Variants in NEDD4L observed in about 807,000 individuals in gnomAD.
The protein encoded by NEDD4L is E3 ubiquitin-protein ligase NEDD4-like.
In NEDD4L, 54 loss-of-function variants were observed where a neutral mutation model predicts 148.9. The ratio of observed to expected loss-of-function variants is 0.36; its 90% CI spans 0.29 to 0.45. The LOEUF is 0.45. Among genes scored for constraint, NEDD4L ranks in the 20% least tolerant of loss-of-function variants. The pLI is 1.00. For missense variants in NEDD4L, 856 were observed against 1,233.8 expected (o/e 0.69, Z 4.59); for synonymous variants, 433 against 440.7 (o/e 0.98, Z 0.22).
intron 5 of NEDD4L, among the ~76,000 whole-genome samples, chr18:58,280,676 G>A (rs941446435): frequency 1.3e-5 from 2 of 152,110 alleles, no homozygotes; most frequent in Non-Finnish European, 2.9e-5. Context: ...CAGTATTGTG[G>A]GGAATTCGGA....
chr18:58,234,097 C>CTTTGTTTTCTTTTCT (rs61539118), intron 2 of NEDD4L, among the ~76,000 whole-genome samples: 2 of 83,358 alleles, frequency 2.4e-5, no homozygotes, highest in Admixed American at 1.2e-4. Flanking sequence ...TTCTTTCTTT[C>CTTTGTTTTCTTTTCT]TTTCTTTTCT....
At chr18:58,361,479 C>T (rs772557902) in intron 19 of NEDD4L, among the ~76,000 whole-genome samples, 2 of 152,244 alleles carry the variant, frequency 1.3e-5, no homozygotes, top group Admixed American at 6.5e-5. Flanking sequence ...TTGAAACTCA[C>T]AGTCGTCCCC....
chr18:58,175,045 T>G (rs1363445749), intron 2 of NEDD4L, among the ~76,000 whole-genome samples: 1 of 152,234 alleles, frequency 6.6e-6, no homozygotes, highest in East Asian at 1.9e-4. Flanking sequence ...CAGACCAAAG[T>G]TTGCAGACAG....
chr18:58,261,834 A>G (rs548268896), intron 5 of NEDD4L, among the ~76,000 whole-genome samples: 1 of 152,220 alleles, frequency 6.6e-6, no homozygotes, highest in African/African-American at 2.4e-5. Flanking sequence ...CAGGTTAGCT[A>G]TCCTAAATAC....
intron 5 of NEDD4L, among the ~76,000 whole-genome samples, chr18:58,300,369 T>A (rs1299146054): frequency 1.1e-4 from 17 of 152,238 alleles, no homozygotes; most frequent in Admixed American, 1.1e-3. Flanking sequence ...TTTGCACTCT[T>A]GAGGATGTAT....
rs138225609 is a variant in NEDD4L at position 58,304,436 on chromosome 18, C to T, written c.298-11546C>T. 5.7e-3 allele frequency among the ~76,000 whole-genome samples: 870 copies of T among 152,098 alleles called. 6 individuals are homozygous for T. Among genetic ancestry groups the T allele is most frequent in the Middle Eastern group, 0.014 (4 of 294 alleles). ...GGCTGAAGTGGGAGGATTGCTTGGA[C>T]CCAGGAGTTTGAGGCTACAGTGAGC... On this transcript the variant is annotated intron_variant, in intron 5 of 30. Coordinates refer to ENST00000400345, the MANE Select transcript of NEDD4L (RefSeq NM_001144967.3).
intron 2 of NEDD4L, among the ~76,000 whole-genome samples, chr18:58,192,204 C>G (rs766673465): frequency 2.0e-5 from 3 of 152,146 alleles, no homozygotes; most frequent in Non-Finnish European, 4.4e-5. Context: ...TTTGAGTTGG[C>G]TTTTCAATCC....
chr18:58,266,095 G>A lies in NEDD4L; in HGVS notation c.297+14041G>A, dbSNP rs377342947. On this transcript the variant is annotated intron_variant, in intron 5 of 30. Transcript: ENST00000400345. ...GTATTTAGATTTAGCAACAAAAAGGGAAATATAAACCATATTTCCACCATT... is the reference window on the plus strand; with the variant it reads ...GTATTTAGATTTAGCAACAAAAAGGAAAATATAAACCATATTTCCACCATT... Among the ~76,000 whole-genome samples the A allele has an allele frequency of 2.1e-4, 32 of 152,118 alleles. No individual in the cohort carries two copies. The East Asian group carries it at 2.9e-3, about 14-fold the overall frequency.
At chr18:58,129,707 C>T (rs2031736020) in intron 1 of NEDD4L, among the ~76,000 whole-genome samples, 1 of 152,232 alleles carries the variant, frequency 6.6e-6, no homozygotes. Context: ...CGCGTGGCTT[C>T]ATTGGGATTT....
chr18:58,367,928 A>G (rs1174697994), intron 22 of NEDD4L, 61 bp downstream of exon 22: 1 of 1,567,940 alleles, frequency 6.4e-7, no homozygotes, highest in South Asian at 1.1e-5. Flanking sequence ...TAGGTGTCTT[A>G]TCTTTCGCAT....
intron 1 of NEDD4L, among the ~76,000 whole-genome samples, chr18:58,159,752 T>G (rs1040698390): frequency 6.6e-6 from 1 of 152,154 alleles, no homozygotes; most frequent in South Asian, 2.1e-4. Context: ...CCAAAAAACG[T>G]TGGTCATCTG....
intron 24 of NEDD4L, among the ~76,000 whole-genome samples, chr18:58,377,119 G>A (rs2047671587): frequency 6.6e-6 from 1 of 152,224 alleles, no homozygotes; most frequent in Admixed American, 6.5e-5. Context: ...TGCCTGCCCT[G>A]TGCTCACTCA....
Position 58,146,740 on chromosome 18 carries a change from C to CA in NEDD4L, c.49-19048_49-19047insA, listed in dbSNP as rs1318696133. On this transcript the variant is annotated intron_variant, in intron 1 of 30. Transcript: ENST00000400345. Reference sequence around the variant, plus strand: ...GGTGAGGATGTGGAAGGGTGCAGAGCTGCTCAAGGTCAGCTTCCTGAGCCT... The same window carrying CA: ...GGTGAGGATGTGGAAGGGTGCAGAGCATGCTCAAGGTCAGCTTCCTGAGCCT... Among the ~76,000 whole-genome samples, 147 of 152,340 alleles carry CA rather than the reference C, an allele frequency of 9.6e-4. 1 individual carries two copies. Among genetic ancestry groups the CA allele is most frequent in the African/African-American group, 3.3e-3 (138 of 41,570 alleles).
chr18:58,202,780 T>C (rs2041561906), intron 2 of NEDD4L, among the ~76,000 whole-genome samples: 1 of 152,224 alleles, frequency 6.6e-6, no homozygotes, highest in African/African-American at 2.4e-5. Context: ...TTCATACTCC[T>C]TTTGTTTGAC....
At chr18:58,265,307 G>A (rs1416876337) in intron 5 of NEDD4L, among the ~76,000 whole-genome samples, 1 of 152,080 alleles carries the variant, frequency 6.6e-6, no homozygotes, top group Non-Finnish European at 1.5e-5. Context: ...TTTCTTGGGT[G>A]TGGCTGTCAT....
At chr18:58,370,307 C>A in intron 22 of NEDD4L, 90 bp from the exon 23 acceptor site, 2 of 805,604 alleles carry the variant, frequency 2.5e-6, no homozygotes, top group Non-Finnish European at 4.3e-6. Flanking sequence ...TTCTCATTTA[C>A]ATTGAAAGCA....
intron 2 of NEDD4L, among the ~76,000 whole-genome samples, chr18:58,169,170 C>T (rs546517215): frequency 2.0e-5 from 3 of 152,322 alleles, no homozygotes; most frequent in South Asian, 4.1e-4. Context: ...GGCCCCAGTC[C>T]AGTACTTAGG....
chr18:58,325,058 T>C lies in NEDD4L; in HGVS notation c.576T>C (p.Pro192=), dbSNP rs751440430. ...SASQHQEELP[P]PPLPPGWEEK... ...CTCAGCACCAAGAGGAACTTCCTCC[T>C]CCTCCTCTGCCTCCCGGGTGGGAAG... is the stretch of plus-strand genomic sequence containing the variant. The change falls in exon 9 of 31, where the codon CCT becomes CCC. Residue 192 remains proline, a synonymous_variant. Transcript: ENST00000400345. The C allele has an allele frequency of 2.5e-6, 4 of 1,613,854 alleles. No individual in the cohort carries two copies. In the African/African-American group the frequency reaches 4.0e-5, roughly 16 times the overall value.
At position 58,398,204 on chromosome 18, in the gene NEDD4L, A is replaced by C. The variant is rs967815641; in HGVS notation, c.*1935A>C. 1 of 139,522 alleles carries C rather than the reference A, an allele frequency of 7.2e-6. No homozygotes were observed. The highest frequency in any genetic ancestry group is 2.2e-4 in the East Asian group (1 of 4,608). 8.6% of individuals were successfully genotyped at this position (139,522 alleles called of 1,614,324 possible). Reference sequence around the variant, plus strand: ...AAAAAAAAAAAAAAAATTCCCGCTCATGAGTTTTGACTATTGGTGAGATGT... The same window carrying C: ...AAAAAAAAAAAAAAAATTCCCGCTCCTGAGTTTTGACTATTGGTGAGATGT... On this transcript the variant is annotated 3_prime_UTR_variant, in exon 31 of 31. Coordinates refer to ENST00000400345, the MANE Select transcript of NEDD4L (RefSeq NM_001144967.3).
Sources: gnomAD v4.1 joint callset for allele counts (sites outside exome capture counted in the v4.1 genomes callset) on GRCh38, gnomAD v4.1.1 for gene constraint, MANE v1.5 for transcripts, NCBI Gene and HGNC (gene_info 2026-07-23, HGNC 2026-07-21) for gene names.